Variants in BOP1 observed in about 807,000 individuals in gnomAD.
BOP1 encodes ribosome biogenesis protein BOP1.
BOP1 carries 54 observed loss-of-function variants against 82.9 expected under a neutral mutation model. The observed-to-expected ratio is 0.65, with a 90% CI of 0.52 to 0.82. The LOEUF (loss-of-function observed/expected upper bound fraction) is 0.82. Ranked by LOEUF, BOP1 falls within the 40% of genes least tolerant of loss-of-function variation. The pLI, the probability that BOP1 is intolerant of heterozygous loss-of-function variation, is 0.00. For missense variants in BOP1, 1,170 were observed against 1,072.0 expected (o/e 1.09, Z -1.28); for synonymous variants, 566 against 451.1 (o/e 1.25, Z -3.23).
intron 2 of BOP1, among the ~76,000 whole-genome samples, chr8:144,283,043 A>AT (rs1285775771): frequency 9.2e-5 from 14 of 151,458 alleles, no homozygotes; most frequent in Admixed American, 1.3e-4. Context: ...ACAAAAAAAA[A>AT]AAAAATTACC....
Position 144,287,281 on chromosome 8 carries a change from A to G in BOP1, c.309+1814T>C, listed in dbSNP as rs148057386. Among the ~76,000 whole-genome samples, 1,441 of 152,356 alleles carry G rather than the reference A, an allele frequency of 9.5e-3. 37 individuals are homozygous for G. Among genetic ancestry groups the G allele is most frequent in the African/African-American group, 0.033 (1,389 of 41,586 alleles). ...CACCTTAGCCTCCCAAAGTGCTGGG[A>G]TTACAGGCGTGAGCCACCACGCCCG... On this transcript the variant is annotated intron_variant, in intron 2 of 15. Coordinates refer to ENST00000569669, the MANE Select transcript of BOP1 (RefSeq NM_015201.5).
intron 3 of BOP1, chr8:144,266,743 G>A: frequency 1.8e-6 from 2 of 1,088,254 alleles, no homozygotes; most frequent in African/African-American, 1.7e-5. Flanking sequence ...TCGCGTGCAC[G>A]CGGCGCGCTG....
rs1172462050 is a variant in BOP1 at position 144,288,315 on chromosome 8, G to C, written c.309+780C>G. Among the ~76,000 whole-genome samples, 10 of 147,868 alleles carry C rather than the reference G, an allele frequency of 6.8e-5. No individual in the cohort carries two copies. The East Asian group carries it at 2.0e-3, about 29-fold the overall frequency. ...GGCCGGGCGTGGTGGCTCACCTGAG[G>C]TCAGGAAATCGAGACCAGCCTGGCC... On this transcript the variant is annotated intron_variant, in intron 2 of 15. Coordinates refer to ENST00000569669, the MANE Select transcript of BOP1 (RefSeq NM_015201.5).
At chr8:144,283,613 T>A (rs573784415) in intron 2 of BOP1, among the ~76,000 whole-genome samples, 10 of 152,084 alleles carry the variant, frequency 6.6e-5, no homozygotes, top group Admixed American at 2.6e-4. Context: ...GGGCCCAGCC[T>A]GTGACTCATT....
In BOP1 at chr8:144,264,830, G is replaced by C; in HGVS notation, c.547C>G (p.Arg183Gly). The C allele has an allele frequency of 6.2e-7, 1 of 1,608,950 alleles. No homozygotes were observed. Among genetic ancestry groups the C allele is most frequent in the East Asian group, 2.2e-5 (1 of 44,816 alleles). ...CCTGTCATCGGGTCCTGCACGGTGCGCCTGGAGACCGCCAGTCAGACCCCG... is the reference window on the plus strand; with the variant it reads ...CCTGTCATCGGGTCCTGCACGGTGCCCCTGGAGACCGCCAGTCAGACCCCG... ...LDKMDDPDYW[R>G]TVQDPMTGRD... The change falls in exon 5 of 16, where the codon CGC (arginine) becomes GGC (glycine). Residue 183 changes from arginine to glycine, a missense_variant and splice_region_variant. Coordinates refer to ENST00000569669, the MANE Select transcript of BOP1 (RefSeq NM_015201.5).
At chr8:144,288,271 G>GAA (rs782356129) in intron 2 of BOP1, among the ~76,000 whole-genome samples, 10 of 91,778 alleles carry the variant, frequency 1.1e-4, no homozygotes, top group Non-Finnish European at 1.5e-4. Context: ...CTCTGTCTTA[G>GAA]AAAAAAAAAA....
At chr8:144,277,413 C>T (rs1554838382) in intron 2 of BOP1, among the ~76,000 whole-genome samples, 256 of 152,360 alleles carry the variant, frequency 1.7e-3, no homozygotes, top group African/African-American at 3.9e-3. Context: ...AAGCCCCAGA[C>T]GCGCACAAGG....
At chr8:144,267,080 G>A in intron 3 of BOP1, 2 of 1,380,512 alleles carry the variant, frequency 1.4e-6, no homozygotes, top group Non-Finnish European at 1.9e-6. Flanking sequence ...GCGCGCGCCG[G>A]CAGCCCCCCG....
At chr8:144,275,125 T>C (rs1845549301) in intron 3 of BOP1, among the ~76,000 whole-genome samples, 1 of 151,818 alleles carries the variant, frequency 6.6e-6, no homozygotes, top group Non-Finnish European at 1.5e-5. Flanking sequence ...GGGGGGCGCG[T>C]GTCTCCCCCA....
intron 3 of BOP1, among the ~76,000 whole-genome samples, chr8:144,274,691 G>C (rs1282563527): frequency 6.6e-6 from 1 of 152,208 alleles, no homozygotes; most frequent in Non-Finnish European, 1.5e-5. Flanking sequence ...CCACATCCCT[G>C]GCCGGCTTCC....
intron 2 of BOP1, among the ~76,000 whole-genome samples, chr8:144,280,555 T>G (rs7842440): frequency 0.032 from 4,877 of 152,338 alleles, 252 homozygotes; most frequent in African/African-American, 0.11. Context: ...CAAACTCTCC[T>G]TAAATTATCT....
chr8:144,272,331 C>G (rs1845504755), intron 3 of BOP1, among the ~76,000 whole-genome samples: 1 of 152,152 alleles, frequency 6.6e-6, no homozygotes, highest in Non-Finnish European at 1.5e-5. Context: ...GACTTTTCCC[C>G]CAGTCCTGAT....
chr8:144,266,605 G>C, intron 3 of BOP1: 1 of 1,140,356 alleles, frequency 8.8e-7, no homozygotes, highest in East Asian at 7.4e-5. Context: ...CCGCGCCCCC[G>C]CCGGCCCCAT....
chr8:144,262,210 C>T lies in BOP1; in HGVS notation c.2195G>A (p.Trp732Ter). 1 of 1,612,730 alleles carries T rather than the reference C, an allele frequency of 6.2e-7. No individual in the cohort carries two copies. The highest frequency in any genetic ancestry group is 1.1e-5 in the South Asian group (1 of 91,058). ...LDVIFHPTQP[W>*]VFSSGADGTV... is the part of the protein sequence containing the mutation. Reference sequence around the variant, plus strand: ...CCCGTCTGCCCCCGAGGAGAAGACCCACGGCTGGGTGGGGTGGAAGATGAC... The same window carrying T: ...CCCGTCTGCCCCCGAGGAGAAGACCTACGGCTGGGTGGGGTGGAAGATGAC... The change falls in exon 16 of 16, where the codon TGG becomes TAG. Residue 732 changes from tryptophan (W) to a stop codon, truncating the protein, a stop_gained. Transcript: ENST00000569669. LOFTEE classifies it high-confidence loss of function.
chr8:144,276,090 C>T (rs938599537), intron 3 of BOP1, 134 bp downstream of exon 3: 10 of 1,046,996 alleles, frequency 9.6e-6, no homozygotes, highest in South Asian at 3.9e-5. Context: ...ACGTGGGCCT[C>T]GGCTCCAACA....
Position 144,264,562 on chromosome 8 carries a change from G to C in BOP1, c.718C>G (p.Pro240Ala). 1 of 1,609,920 alleles carries C rather than the reference G, an allele frequency of 6.2e-7. No homozygotes were observed. Among genetic ancestry groups the C allele is most frequent in the South Asian group, 1.1e-5 (1 of 90,588 alleles). ...DVMIHPVTNR[P>A]ADKRSFIPSL... ...GGGATGAAGCTGCGCTTGTCGGCCGGGCGGTTGGTCACCGGGTGGATCATG... is the reference window on the plus strand; with the variant it reads ...GGGATGAAGCTGCGCTTGTCGGCCGCGCGGTTGGTCACCGGGTGGATCATG... The change falls in exon 6 of 16, where the codon CCG becomes GCG. Residue 240 changes from proline to alanine, a missense_variant. By Grantham distance (27) the Pro-to-Ala change is conservative. Transcript: ENST00000569669.
intron 2 of BOP1, among the ~76,000 whole-genome samples, chr8:144,288,371 T>C (rs1814940263): frequency 1.4e-5 from 2 of 147,782 alleles, no homozygotes; most frequent in Non-Finnish European, 3.0e-5. Flanking sequence ...CTACTAAAAG[T>C]ACAAAAATTA....
At chr8:144,277,893 G>C (rs1845595440) in intron 2 of BOP1, among the ~76,000 whole-genome samples, 1 of 90,244 alleles carries the variant, frequency 1.1e-5, no homozygotes, top group African/African-American at 2.9e-5. Flanking sequence ...GATGCTGTGG[G>C]GCATTGAACG....
chr8:144,266,504 G>A, intron 3 of BOP1: 1 of 987,582 alleles, frequency 1.0e-6, no homozygotes, highest in Non-Finnish European at 1.2e-6. Flanking sequence ...ACCGCGGGGC[G>A]CAGCCGAGAC....
Sources: allele counts gnomAD v4.1 joint callset (sites outside exome capture counted in the v4.1 genomes callset), GRCh38; gene constraint gnomAD v4.1.1; transcripts MANE v1.5; gene names NCBI Gene and HGNC (gene_info 2026-07-23, HGNC 2026-07-21).